WDR49: variants seen among roughly 807,000 people sequenced by gnomAD.
The protein encoded by WDR49 is WD repeat domain 49, also known as cilia- and flagella-associated protein 337.
In WDR49, 107 loss-of-function variants were observed where a neutral mutation model predicts 119.5. The observed-to-expected ratio is 0.90, with a 90% CI of 0.77 to 1.05. The LOEUF is 1.05. Among genes scored for constraint, WDR49 ranks in the 50% least tolerant of loss-of-function variants. The probability of loss-of-function intolerance (pLI) is 0.00; values close to 1 mark genes in which losing one functional copy is unlikely to be tolerated. For synonymous variants in WDR49, 425 were observed against 418.8 expected, an observed-to-expected ratio of 1.01 and a Z score of -0.18; for missense variants, 1,240 against 1,220.5, an observed-to-expected ratio of 1.02 and a Z score of -0.24.
intron 13 of WDR49, among the ~76,000 whole-genome samples, chr3:167,530,887 G>A (rs1412162352): frequency 6.6e-6 from 1 of 151,968 alleles, no homozygotes; most frequent in African/African-American, 2.4e-5. Flanking sequence ...TCTTGATCTT[G>A]ACATATACAA....
Position 167,581,730 on chromosome 3 carries a change from T to C in WDR49, c.1276-5579A>G, listed in dbSNP as rs76055110. On this transcript the variant is annotated intron_variant, in intron 7 of 18. Coordinates refer to ENST00000682715, the MANE Select transcript of WDR49 (RefSeq NM_001366157.1). ...TTATAAGTAGATAACTTCACAGATA[T>C]AGGTAGGGGTATAAATAGATGTGTG... Among the ~76,000 whole-genome samples the C allele has an allele frequency of 6.9e-3, 1,046 of 152,310 alleles. 55 individuals are homozygous for C. The East Asian group carries it at 0.13, about 20-fold the overall frequency.
intron 15 of WDR49, 102 bp from the exon 16 acceptor site, chr3:167,522,586 G>A (rs1257199927): frequency 2.5e-6 from 3 of 1,196,926 alleles, no homozygotes; most frequent in South Asian, 1.5e-5. Flanking sequence ...AAGTCCTGGG[G>A]TGGGACACAC....
chr3:167,584,566 C>A (rs958635600), intron 7 of WDR49, among the ~76,000 whole-genome samples: 3 of 151,964 alleles, frequency 2.0e-5, no homozygotes, highest in African/African-American at 7.2e-5. Context: ...GTTAAACCAT[C>A]GTATATTAGC....
At chr3:167,485,620 T>G (rs1355768776) in intron 18 of WDR49, among the ~76,000 whole-genome samples, 2 of 151,990 alleles carry the variant, frequency 1.3e-5, no homozygotes, top group Non-Finnish European at 2.9e-5. Context: ...TATAATACAA[T>G]TAGAAGTTTT....
intron 13 of WDR49, 147 bp from the exon 14 acceptor site, chr3:167,529,386 A>C: frequency 1.5e-6 from 1 of 654,536 alleles, no homozygotes; most frequent in Non-Finnish European, 2.5e-6. Flanking sequence ...TAATTTTCTC[A>C]AATATAAAAT....
At chr3:167,549,084 G>T (rs1404809715) in intron 10 of WDR49, among the ~76,000 whole-genome samples, 1 of 152,124 alleles carries the variant, frequency 6.6e-6, no homozygotes, top group Non-Finnish European at 1.5e-5. Flanking sequence ...TCTTAATCCA[G>T]TCTATCATTG....
rs77635227 is a variant in WDR49 at position 167,573,358 on chromosome 3, A to T, written c.1509+2560T>A. Among the ~76,000 whole-genome samples the T allele has an allele frequency of 4.3e-4, 65 of 151,558 alleles. 2 individuals are homozygous for T. The East Asian group carries it at 0.012, about 29-fold the overall frequency. On this transcript the variant is annotated intron_variant, in intron 8 of 18. Transcript: ENST00000682715. The stretch of plus-strand genomic sequence containing the variant: ...TTGGGATTCCTTTGCATTCTTAAAA[A>T]GTATTGAAGAATCCAAATAGCTTTA...
intron 11 of WDR49, among the ~76,000 whole-genome samples, chr3:167,535,340 A>G (rs533097790): frequency 1.3e-5 from 2 of 152,296 alleles, no homozygotes; most frequent in South Asian, 2.1e-4. Flanking sequence ...CAAACTTTAC[A>G]TCTGATAGTA....
At position 167,499,700 on chromosome 3, in the gene WDR49, C is replaced by T. The variant is rs529273311; in HGVS notation, c.3031+453G>A. Among the ~76,000 whole-genome samples the T allele has an allele frequency of 2.6e-5, 4 of 152,308 alleles. No individual in the cohort carries two copies. The South Asian group carries it at 8.3e-4, about 32-fold the overall frequency. ...AAGCTTTCTTGTCTTCTCACCACAC[C>T]AGCCTACCACTGCAGCTGGAAGACT... On this transcript the variant is annotated intron_variant, in intron 18 of 18. Transcript: ENST00000682715.
intron 18 of WDR49, among the ~76,000 whole-genome samples, chr3:167,492,607 C>T (rs911183821): frequency 2.6e-5 from 4 of 152,090 alleles, no homozygotes; most frequent in African/African-American, 9.7e-5. Flanking sequence ...TGGGTTATAT[C>T]ATTTAATGTT....
intron 16 of WDR49, among the ~76,000 whole-genome samples, chr3:167,521,963 A>AAGATAGATAGATAGAT (rs201398579): frequency 1.3e-5 from 1 of 77,144 alleles, no homozygotes. Flanking sequence ...TACACATTCT[A>AAGATAGATAGATAGAT]AGATAGATAG....
At chr3:167,642,447 C>T (rs1717925804) in intron 2 of WDR49, among the ~76,000 whole-genome samples, 1 of 151,740 alleles carries the variant, frequency 6.6e-6, no homozygotes, top group South Asian at 2.1e-4. Flanking sequence ...AATGTGAGAG[C>T]ATGGAAATAC....
At position 167,653,296 on chromosome 3, in the gene WDR49, C is replaced by CTTT; in HGVS notation, c.129_130insAAA (p.Ser43_Val44insLys). The stretch of plus-strand genomic sequence containing the variant: ...TTCTGTATTTTTACAAAGTCACCCA[C>CTTT]GCTGAGTTGGTTTTCAAGCAGGCCT... On this transcript the variant is annotated inframe_insertion, in exon 2 of 19. Coordinates refer to ENST00000682715, the MANE Select transcript of WDR49 (RefSeq NM_001366157.1). 1 of 1,536,186 alleles carries CTTT rather than the reference C, an allele frequency of 6.5e-7. No individual in the cohort carries two copies. Among genetic ancestry groups the CTTT allele is most frequent in the Non-Finnish European group, 8.7e-7 (1 of 1,146,902 alleles).
chr3:167,627,399 C>T (rs993883547), intron 2 of WDR49, 107 bp from the exon 3 acceptor site: 3 of 1,054,224 alleles, frequency 2.8e-6, no homozygotes, highest in Admixed American at 4.3e-5. Context: ...ATTCTGCCAA[C>T]ATGAAAAGAA....
At chr3:167,484,995 ATG>A (rs1560244150) in intron 18 of WDR49, among the ~76,000 whole-genome samples, 1 of 152,186 alleles carries the variant, frequency 6.6e-6, no homozygotes, top group Non-Finnish European at 1.5e-5. Context: ...CATTTACACC[ATG>A]GAATACTAGG....
intron 7 of WDR49, among the ~76,000 whole-genome samples, chr3:167,577,263 A>C (rs1029862429): frequency 6.6e-6 from 1 of 152,146 alleles, no homozygotes; most frequent in Non-Finnish European, 1.5e-5. Context: ...GATGAGCTTC[A>C]CAGGTGTGAG....
intron 12 of WDR49, among the ~76,000 whole-genome samples, chr3:167,531,677 T>A (rs774769561): frequency 6.6e-6 from 1 of 152,116 alleles, no homozygotes; most frequent in Non-Finnish European, 1.5e-5. Context: ...TAAAGACTAT[T>A]TATGTTTAAT....
At chr3:167,615,187 A>T (rs1265063390) in intron 5 of WDR49, among the ~76,000 whole-genome samples, 1 of 152,162 alleles carries the variant, frequency 6.6e-6, no homozygotes, top group Non-Finnish European at 1.5e-5. Flanking sequence ...GTACTTGAGG[A>T]GTATAGTGGT....
intron 5 of WDR49, among the ~76,000 whole-genome samples, chr3:167,613,428 G>A (rs997766144): frequency 2.6e-5 from 4 of 152,160 alleles, no homozygotes; most frequent in African/African-American, 4.8e-5. Context: ...TGCTCACAGC[G>A]GATTTCAACT....
Sources: allele counts gnomAD v4.1 joint callset (sites outside exome capture counted in the v4.1 genomes callset), GRCh38; gene constraint gnomAD v4.1.1; transcripts MANE v1.5; gene names NCBI Gene and HGNC (gene_info 2026-07-23, HGNC 2026-07-21).